The following SUPT7L variants were observed in gnomAD, a reference collection of about 807,000 sequenced individuals.
SUPT7L encodes the protein SPT7 like, STAGA complex subunit gamma.
Under a neutral mutation model 35.7 loss-of-function variants are expected in SUPT7L, and 15 were observed. The ratio of observed to expected loss-of-function variants is 0.42; its 90% CI spans 0.28 to 0.65. SUPT7L has a LOEUF of 0.65. Ranked by LOEUF, SUPT7L falls within the 30% of genes least tolerant of loss-of-function variation. The pLI is 0.23. For missense variants in SUPT7L, 434 were observed against 522.2 expected (o/e 0.83, Z 1.65); for synonymous variants, 168 against 186.2 (o/e 0.90, Z 0.79).
intron 3 of SUPT7L, among the ~76,000 whole-genome samples, chr2:27,658,212 A>T (rs1201535065): frequency 6.6e-6 from 1 of 152,258 alleles, no homozygotes; most frequent in African/African-American, 2.4e-5. Context: ...AAAGCAATTT[A>T]AAACATATAT....
chr2:27,654,812 C>T (rs557926601), intron 5 of SUPT7L, among the ~76,000 whole-genome samples: 7 of 152,204 alleles, frequency 4.6e-5, no homozygotes, highest in South Asian at 2.1e-4. Flanking sequence ...GTGATTCGCC[C>T]GCCTCAGCCT....
chr2:27,662,111 C>T, intron 2 of SUPT7L, 68 bp downstream of exon 2: 1 of 1,611,972 alleles, frequency 6.2e-7, no homozygotes, highest in South Asian at 1.1e-5. Flanking sequence ...CTTCCCATTG[C>T]CTATTGGAAA....
chr2:27,653,755 CAG>C lies in SUPT7L; in HGVS notation c.983-10_983-9del, dbSNP rs749672340. ...AAGCATTTACCTCTGCACCTAGAAACAGAGGAAAGATGGACATACACCAAGTG... is the reference window on the plus strand; with the variant it reads ...AAGCATTTACCTCTGCACCTAGAAACAGGAAAGATGGACATACACCAAGTG... On this transcript the variant is annotated splice_polypyrimidine_tract_variant and intron_variant, in intron 5 of 5. Coordinates refer to ENST00000337768, the MANE Select transcript of SUPT7L (RefSeq NM_014860.3). 1.8e-5 allele frequency: 29 copies of C among 1,614,036 alleles called. No individual in the cohort carries two copies. The highest frequency in any genetic ancestry group is 1.7e-4 in the African/African-American group (13 of 74,920).
chr2:27,653,256 G>A lies in SUPT7L; in HGVS notation c.*229C>T. The A allele has an allele frequency of 1.8e-6, 1 of 559,032 alleles. No homozygotes were observed. The highest frequency in any genetic ancestry group is 3.1e-6 in the Non-Finnish European group (1 of 318,612). 34.6% of individuals were successfully genotyped at this position (559,032 alleles called of 1,614,324 possible). A position where few individuals can be genotyped will look rare whatever the true frequency, so the allele number is the denominator to read the frequency against. On this transcript the variant is annotated 3_prime_UTR_variant, in exon 6 of 6. Transcript: ENST00000337768. Reference sequence around the variant, plus strand: ...GTGCTTTGGTCTGATTGCCATGCCAGCATCATATTTTATCTGTGAAGGGTG... The same window carrying A: ...GTGCTTTGGTCTGATTGCCATGCCAACATCATATTTTATCTGTGAAGGGTG...
intron 3 of SUPT7L, among the ~76,000 whole-genome samples, chr2:27,659,147 T>A (rs2148118676): frequency 6.6e-6 from 1 of 152,366 alleles, no homozygotes; most frequent in South Asian, 2.1e-4. Context: ...GTGTCTATGC[T>A]AGCATATGCT....
chr2:27,650,237 A>G (rs747672110), downstream of SUPT7L: 14 of 1,232,348 alleles, frequency 1.1e-5, no homozygotes, highest in Non-Finnish European at 1.7e-5. Flanking sequence ...CTAGAAGTCC[A>G]GAATTTTGGA....
chr2:27,661,347 C>CT lies in SUPT7L; in HGVS notation c.55dup (p.Arg19LysfsTer18), dbSNP rs1675099026. Reference sequence around the variant, plus strand: ...CCGTGGGAGCAAATCGAAGGAACTTCTGTTGGTCTGGCTTGATGATATTGG... The same window carrying CT: ...CCGTGGGAGCAAATCGAAGGAACTTCTTGTTGGTCTGGCTTGATGATATTGG... On this transcript the variant is annotated frameshift_variant, in exon 3 of 6. Coordinates refer to ENST00000337768, the MANE Select transcript of SUPT7L (RefSeq NM_014860.3). LOFTEE classifies it high-confidence loss of function. 6.2e-7 allele frequency: 1 copy of CT among 1,613,968 alleles called. No homozygotes were observed. Among genetic ancestry groups the CT allele is most frequent in the Non-Finnish European group, 8.5e-7 (1 of 1,180,028 alleles).
chr2:27,653,778 A>G (rs1418376082), intron 5 of SUPT7L, 31 bp from the exon 6 acceptor site: 2 of 1,613,356 alleles, frequency 1.2e-6, no homozygotes, highest in South Asian at 2.2e-5. Flanking sequence ...GACATACACC[A>G]AGTGTATATG....
the SUPT7L span, among the ~76,000 whole-genome samples, chr2:27,643,507 T>TA: frequency 6.6e-6 from 1 of 152,182 alleles, no homozygotes; most frequent in Non-Finnish European, 1.5e-5. The surrounding 1 kb of genome is among the most constrained non-coding windows in gnomAD (Gnocchi z 4.0). Context: ...ATTGACATAA[T>TA]ACTATAATAT....
chr2:27,648,085 G>A, downstream of SUPT7L: 3 of 625,542 alleles, frequency 4.8e-6, no homozygotes, highest in South Asian at 5.6e-5. Flanking sequence ...CCTATATTGA[G>A]AGTTCCTGTC....
chr2:27,644,100 G>A, the SUPT7L span, among the ~76,000 whole-genome samples: 15 of 152,196 alleles, frequency 9.9e-5, no homozygotes, highest in East Asian at 1.9e-4. Context: ...TCTTGAACCC[G>A]GGAGGCAGAA....
intron 5 of SUPT7L, among the ~76,000 whole-genome samples, chr2:27,655,056 A>C (rs187733453): frequency 6.6e-6 from 1 of 152,350 alleles, no homozygotes; most frequent in African/African-American, 2.4e-5. Context: ...GAGGAAGGGG[A>C]TATCTTCCCA....
intron 5 of SUPT7L, among the ~76,000 whole-genome samples, 171 bp downstream of exon 5, chr2:27,655,194 G>A (rs114310614): frequency 1.6e-3 from 238 of 152,324 alleles, no homozygotes; most frequent in African/African-American, 5.3e-3. Flanking sequence ...TAATTAGAAA[G>A]AGAAGAATGC....
intron 4 of SUPT7L, among the ~76,000 whole-genome samples, chr2:27,656,126 C>G (rs991325125): frequency 1.3e-5 from 2 of 151,842 alleles, no homozygotes; most frequent in African/African-American, 4.8e-5. Flanking sequence ...GATTGTGCCA[C>G]TGCACTCCAG....
chr2:27,661,450 G>A (rs569641226), intron 2 of SUPT7L, 62 bp from the exon 3 acceptor site: 21 of 1,600,920 alleles, frequency 1.3e-5, no homozygotes, highest in Non-Finnish European at 1.7e-5. Context: ...TAACCTAAAA[G>A]TAATGTGTTT....
the SUPT7L span, among the ~76,000 whole-genome samples, chr2:27,643,059 C>T: frequency 5.4e-3 from 807 of 150,172 alleles, 6 homozygotes; most frequent in Non-Finnish European, 8.9e-3. The surrounding 1 kb of genome is among the most constrained non-coding windows in gnomAD (Gnocchi z 4.0). Flanking sequence ...AAATTATATA[C>T]AGCTCTACCA....
chr2:27,646,711 T>C (rs1674250428), downstream of SUPT7L, among the ~76,000 whole-genome samples: 2 of 152,218 alleles, frequency 1.3e-5, no homozygotes, highest in South Asian at 4.1e-4. Context: ...ATTGTACATT[T>C]ATTTTTTCTT....
At chr2:27,660,099 C>G (rs1237833520) in intron 3 of SUPT7L, among the ~76,000 whole-genome samples, 1 of 152,114 alleles carries the variant, frequency 6.6e-6, no homozygotes, top group Non-Finnish European at 1.5e-5. Flanking sequence ...TGTTATAATG[C>G]AGATTCTGAT....
In SUPT7L at chr2:27,662,198, A is replaced by C. The variant is rs1179881578; in HGVS notation, c.-6T>G. ...ACTCACCTTTGCAGATTCATTGTCC[A>C]TATGTCTCTTCAAGTTCAACAAACA... On this transcript the variant is annotated 5_prime_UTR_variant, in exon 2 of 6. The change abolishes an upstream ATG in the 5' untranslated region. Transcript: ENST00000337768. The C allele has an allele frequency of 1.2e-6, 2 of 1,614,022 alleles. No individual in the cohort carries two copies. The highest frequency in any genetic ancestry group is 2.2e-5 in the East Asian group (1 of 44,876).
Sources: allele counts gnomAD v4.1 joint callset (sites outside exome capture counted in the v4.1 genomes callset), GRCh38; gene constraint gnomAD v4.1.1; non-coding constraint Gnocchi (gnomAD v3.1); transcripts MANE v1.5; gene names NCBI Gene and HGNC (gene_info 2026-07-23, HGNC 2026-07-21).